The following RIC8B variants were observed in gnomAD, a reference collection of about 807,000 sequenced individuals.
The protein encoded by RIC8B is RIC8 guanine nucleotide exchange factor B.
Under a neutral mutation model 57.5 loss-of-function variants are expected in RIC8B, and 16 were observed. The ratio of observed to expected loss-of-function variants is 0.28; its 90% CI spans 0.19 to 0.42. RIC8B has a LOEUF of 0.42. RIC8B is among the 10% of genes least tolerant of loss of function. RIC8B has a pLI of 1.00. For synonymous variants in RIC8B, 216 were observed against 250.8 expected (o/e 0.86, Z 1.31); for missense variants, 481 against 677.0 (o/e 0.71, Z 3.21).
chr12:106,858,477 T>A (rs1309786211), intron 7 of RIC8B, among the ~76,000 whole-genome samples: 3 of 152,154 alleles, frequency 2.0e-5, no homozygotes, highest in Admixed American at 6.5e-5. Context: ...TAAGAATACC[T>A]ATATACACTG....
intron 9 of RIC8B, among the ~76,000 whole-genome samples, chr12:106,878,357 C>T (rs1950763652): frequency 6.6e-6 from 1 of 152,050 alleles, no homozygotes; most frequent in African/African-American, 2.4e-5. Flanking sequence ...AAGAATATCA[C>T]AAGTTATTGG....
At chr12:106,798,791 G>A (rs1309368901) in intron 2 of RIC8B, among the ~76,000 whole-genome samples, 1 of 151,830 alleles carries the variant, frequency 6.6e-6, no homozygotes, top group Non-Finnish European at 1.5e-5. Flanking sequence ...CCCACTTACT[G>A]CCCAACACAT....
chr12:106,867,106 T>A lies in RIC8B; in HGVS notation c.1452-3717T>A, dbSNP rs534401943. 3.3e-4 allele frequency among the ~76,000 whole-genome samples: 50 copies of A among 152,366 alleles called. No homozygotes were observed. Among genetic ancestry groups the A allele is most frequent in the Non-Finnish European group, 5.4e-4 (37 of 68,036 alleles). On this transcript the variant is annotated intron_variant, in intron 8 of 9. Transcript: ENST00000392837. The surrounding 1 kb of genome is among the most constrained non-coding windows in gnomAD (Gnocchi z 4.3). ...ATTAAGTTTTAATGGATCTTTTTTGTTAAATGACCTAGTACTGTTGATGTT... is the reference window on the plus strand; with the variant it reads ...ATTAAGTTTTAATGGATCTTTTTTGATAAATGACCTAGTACTGTTGATGTT...
intron 2 of RIC8B, among the ~76,000 whole-genome samples, chr12:106,805,132 A>G (rs943506421): frequency 6.6e-6 from 1 of 152,166 alleles, no homozygotes; most frequent in South Asian, 2.1e-4. Context: ...TCAGGTATCT[A>G]CTATGGGACA....
intron 9 of RIC8B, among the ~76,000 whole-genome samples, chr12:106,877,387 A>T (rs1305694929): frequency 6.6e-6 from 1 of 152,180 alleles, no homozygotes; most frequent in Admixed American, 6.5e-5. Flanking sequence ...AGACATTCTA[A>T]ATTTTAAATA....
intron 8 of RIC8B, among the ~76,000 whole-genome samples, chr12:106,865,890 CCTTT>C (rs1323632789): frequency 2.0e-5 from 3 of 152,300 alleles, no homozygotes; most frequent in African/African-American, 4.8e-5. Flanking sequence ...CTGCCTGAGG[CCTTT>C]CTGTTGACTG....
intron 2 of RIC8B, among the ~76,000 whole-genome samples, chr12:106,803,927 TAGA>T (rs1393947780): frequency 3.3e-5 from 5 of 152,236 alleles, no homozygotes; most frequent in Non-Finnish European, 5.9e-5. Flanking sequence ...AACATTGTCA[TAGA>T]AGGAGTATTA....
chr12:106,844,089 G>A lies in RIC8B; in HGVS notation c.1161+142G>A, dbSNP rs999271408. The stretch of plus-strand genomic sequence containing the variant: ...TAATCTTTGAAATCTTCTTAATCAA[G>A]AAGTGTGTATTTTTTGAGTCATTCA... On this transcript the variant is annotated intron_variant, in intron 6 of 9. Transcript: ENST00000392837. The A allele has an allele frequency of 1.2e-5, 8 of 669,014 alleles. No homozygotes were observed. In the African/African-American group the frequency reaches 1.3e-4, roughly 11 times the overall value. 41.4% of individuals were successfully genotyped at this position (669,014 alleles called of 1,614,324 possible).
chr12:106,780,986 A>G (rs2136151642), intron 1 of RIC8B, among the ~76,000 whole-genome samples: 1 of 152,376 alleles, frequency 6.6e-6, no homozygotes. Flanking sequence ...CTCAAACTCA[A>G]GGTTGTCTGA....
intron 2 of RIC8B, among the ~76,000 whole-genome samples, chr12:106,788,292 C>CTGT (rs1300066614): frequency 6.6e-6 from 1 of 152,208 alleles, no homozygotes; most frequent in South Asian, 2.1e-4. Flanking sequence ...CCACACCTGG[C>CTGT]TGTTTTCACA....
chr12:106,806,042 CG>C (rs755295493), intron 2 of RIC8B, among the ~76,000 whole-genome samples: 2 of 152,134 alleles, frequency 1.3e-5, no homozygotes, highest in Non-Finnish European at 2.9e-5. Flanking sequence ...CTCCACCTCC[CG>C]GGTTCAAGCG....
At chr12:106,843,583 G>A (rs1949049516) in intron 5 of RIC8B, among the ~76,000 whole-genome samples, 3 of 151,852 alleles carry the variant, frequency 2.0e-5, no homozygotes, top group Non-Finnish European at 4.4e-5. Flanking sequence ...TTAGCCAGGT[G>A]TGGTGGTGGG....
chr12:106,840,349 A>T (rs575505693), intron 4 of RIC8B, among the ~76,000 whole-genome samples: 2 of 152,312 alleles, frequency 1.3e-5, no homozygotes, highest in South Asian at 4.1e-4. Context: ...GGCTGGGAGC[A>T]TGAGCGGGAG....
chr12:106,861,189 A>G (rs529389919), intron 8 of RIC8B, among the ~76,000 whole-genome samples: 19 of 152,146 alleles, frequency 1.2e-4, no homozygotes, highest in African/African-American at 4.6e-4. Flanking sequence ...GAAGATTTCC[A>G]TCTGAAAATT....
intron 9 of RIC8B, among the ~76,000 whole-genome samples, chr12:106,872,622 C>T (rs553158570): frequency 1.3e-5 from 2 of 148,620 alleles, no homozygotes; most frequent in East Asian, 4.0e-4. Context: ...GAACCAAGGT[C>T]GCACCATTGC....
intron 7 of RIC8B, among the ~76,000 whole-genome samples, chr12:106,852,637 T>G (rs1177922949): frequency 6.6e-6 from 1 of 152,226 alleles, no homozygotes; most frequent in Non-Finnish European, 1.5e-5. Context: ...ATTTCATAAA[T>G]GAAGCAACCT....
intron 2 of RIC8B, among the ~76,000 whole-genome samples, chr12:106,800,415 A>G (rs1417246434): frequency 6.6e-6 from 1 of 152,138 alleles, no homozygotes; most frequent in African/African-American, 2.4e-5. Flanking sequence ...ACGAGAACTC[A>G]GGACAGTACC....
chr12:106,776,823 G>C (rs1022991488), intron 1 of RIC8B, among the ~76,000 whole-genome samples: 25 of 152,334 alleles, frequency 1.6e-4, no homozygotes, highest in African/African-American at 5.8e-4. Context: ...AAGCCTGAGA[G>C]TGCTCTGACT....
chr12:106,842,169 A>G (rs1157633136), intron 4 of RIC8B, among the ~76,000 whole-genome samples: 1 of 152,316 alleles, frequency 6.6e-6, no homozygotes, highest in Non-Finnish European at 1.5e-5. Flanking sequence ...GCTTATTTTC[A>G]GTGTTTCTCA....
Sources: allele counts gnomAD v4.1 joint callset (sites outside exome capture counted in the v4.1 genomes callset), GRCh38; gene constraint gnomAD v4.1.1; non-coding constraint Gnocchi (gnomAD v3.1); transcripts MANE v1.5; gene names NCBI Gene and HGNC (gene_info 2026-07-23, HGNC 2026-07-21).